DLG2: variants seen among roughly 807,000 people sequenced by gnomAD.
DLG2 encodes discs large MAGUK scaffold protein 2.
A neutral mutation model predicts 132.5 loss-of-function variants in DLG2; 45 were observed. That is an observed-to-expected ratio of 0.34 (90% CI 0.27 to 0.44). The LOEUF (loss-of-function observed/expected upper bound fraction) is 0.44. DLG2 is among the 20% of genes least tolerant of loss of function. The pLI, the probability that DLG2 is intolerant of heterozygous loss-of-function variation, is 1.00. For synonymous variants in DLG2, 424 were observed against 419.6 expected (o/e 1.01, Z -0.13); for missense variants, 1,045 against 1,196.9 (o/e 0.87, Z 1.87).
chr11:84,827,076 G>T (rs2078417901), intron 6 of DLG2, among the ~76,000 whole-genome samples: 1 of 151,658 alleles, frequency 6.6e-6, no homozygotes, highest in Admixed American at 6.6e-5. Context: ...GAAACCACCT[G>T]CTTCATCACT....
rs369837761 is a variant in DLG2 at position 84,292,992 on chromosome 11, G to A, written c.520-41701C>T. Among the ~76,000 whole-genome samples the A allele has an allele frequency of 1.1e-4, 16 of 152,306 alleles. 1 individual carries two copies. The highest frequency in any genetic ancestry group is 3.8e-4 in the African/African-American group (16 of 41,566). On this transcript the variant is annotated intron_variant, in intron 7 of 27. Transcript: ENST00000376104. ...TATGTATTGGGCAGACAGGCTGTAG[G>A]TTGGACAAGCTTGATTTAAGGTTTA... is the stretch of plus-strand genomic sequence containing the variant.
In DLG2 at chr11:84,830,183, T is replaced by G. The variant is rs368885511; in HGVS notation, c.357+281478A>C. 3.3e-5 allele frequency among the ~76,000 whole-genome samples: 5 copies of G among 151,712 alleles called. No homozygotes were observed. The South Asian group carries it at 8.3e-4, about 25-fold the overall frequency. On this transcript the variant is annotated intron_variant, in intron 6 of 27. Coordinates refer to ENST00000376104, the MANE Select transcript of DLG2 (RefSeq NM_001142699.3). ...TTCATTTTAGAATTAAGGGCACTGG[T>G]GCTCAGAGAGAGAAACAGATAGAGA...
chr11:84,867,002 A>G (rs2084672444), intron 6 of DLG2, among the ~76,000 whole-genome samples: 1 of 152,258 alleles, frequency 6.6e-6, no homozygotes, highest in Admixed American at 6.5e-5. Flanking sequence ...GTAGGTAAGC[A>G]GTAAAGATTT....
At chr11:83,847,123 T>C (rs1241269619) in intron 16 of DLG2, among the ~76,000 whole-genome samples, 3 of 152,164 alleles carry the variant, frequency 2.0e-5, no homozygotes, top group African/African-American at 7.2e-5. Flanking sequence ...TTGATAATTA[T>C]AACAGGAATA....
chr11:85,152,213 T>C (rs561589122), intron 5 of DLG2, among the ~76,000 whole-genome samples: 2 of 152,094 alleles, frequency 1.3e-5, no homozygotes, highest in South Asian at 4.2e-4. Flanking sequence ...TGTATTATAA[T>C]AGAAAGAACT....
chr11:85,084,631 A>G (rs1207306535), intron 6 of DLG2, among the ~76,000 whole-genome samples: 1 of 152,156 alleles, frequency 6.6e-6, no homozygotes, highest in East Asian at 1.9e-4. Context: ...GGCTAATCCA[A>G]GGACTCATAA....
At chr11:85,604,366 G>T (rs73499179) in intron 2 of DLG2, among the ~76,000 whole-genome samples, 2 of 152,000 alleles carry the variant, frequency 1.3e-5, no homozygotes, top group Admixed American at 1.3e-4. Flanking sequence ...CCTTATTTCT[G>T]GTTAATGAAA....
chr11:83,497,714 C>T (rs1234422835), intron 21 of DLG2, among the ~76,000 whole-genome samples: 1 of 151,884 alleles, frequency 6.6e-6, no homozygotes, highest in African/African-American at 2.4e-5. Flanking sequence ...AATGAGGTGG[C>T]TTAGCTATTT....
At chr11:84,520,590 C>A (rs2099294333) in intron 7 of DLG2, among the ~76,000 whole-genome samples, 1 of 152,148 alleles carries the variant, frequency 6.6e-6, no homozygotes, top group Non-Finnish European at 1.5e-5. Context: ...TGCGCCCCCA[C>A]CCACCACCCA....
At chr11:85,436,378 C>T (rs2091480440) in intron 3 of DLG2, among the ~76,000 whole-genome samples, 1 of 152,084 alleles carries the variant, frequency 6.6e-6, no homozygotes, top group African/African-American at 2.4e-5. Context: ...AACCATCCTA[C>T]AGAATGGGAG....
At position 84,714,549 on chromosome 11, in the gene DLG2, T is replaced by TTCTCTTTCTCTCTC. The variant is rs1565748003; in HGVS notation, c.358-179819_358-179818insGAGAGAGAAAGAGA. 2.0e-3 allele frequency among the ~76,000 whole-genome samples: 116 copies of TTCTCTTTCTCTCTC among 59,152 alleles called. 1 individual carries two copies. Among genetic ancestry groups the TTCTCTTTCTCTCTC allele is most frequent in the Non-Finnish European group, 2.9e-3 (100 of 35,036 alleles). 38.8% of individuals were successfully genotyped at this position (59,152 alleles called of 152,430 possible). A position where few individuals can be genotyped will look rare whatever the true frequency, so the allele number is the denominator to read the frequency against. On this transcript the variant is annotated intron_variant, in intron 6 of 27. Transcript: ENST00000376104. ...TTCCTCTTTCTCTTTCTCTTTCTCT[T>TTCTCTTTCTCTCTC]TCTCTCTCTTTCTCTTTCTCTTTCT...
chr11:84,855,621 C>G (rs2082683828), intron 6 of DLG2, among the ~76,000 whole-genome samples: 1 of 151,986 alleles, frequency 6.6e-6, no homozygotes, highest in South Asian at 2.1e-4. Context: ...TCCTTGCTAG[C>G]TAAGAAAGGC....
intron 8 of DLG2, among the ~76,000 whole-genome samples, chr11:84,214,427 A>G (rs1299423551): frequency 1.3e-5 from 2 of 151,352 alleles, no homozygotes; most frequent in Non-Finnish European, 1.5e-5. Flanking sequence ...TGTATATTCT[A>G]TACATGTTTA....
chr11:84,079,645 T>G (rs1053879509), intron 10 of DLG2, among the ~76,000 whole-genome samples: 1 of 152,228 alleles, frequency 6.6e-6, no homozygotes, highest in Admixed American at 6.5e-5. Context: ...CAGACTTCCA[T>G]GGCAGAGTGA....
Position 83,930,452 on chromosome 11 carries a change from T to C in DLG2, c.1372A>G (p.Lys458Glu). ...GGAGAAGCAGGCTTATCACATAGTT[T>C]GTTCACAGTGCTGTAAACAGGTTCC... is the stretch of plus-strand genomic sequence containing the variant. ...PPEPVYSTVN[K>E]LCDKPASPRH... is the part of the protein sequence containing the mutation. The change falls in exon 15 of 28, where the codon AAA (lysine) becomes GAA (glutamate). Residue 458 changes from lysine (K) to glutamate (E), a missense_variant. By Grantham distance (56) the Lys-to-Glu change is moderately conservative. Around this residue, in one of 4 missense-constraint regions of DLG2, gnomAD observed 261 missense variants for 256.1 expected, o/e 1.02. Coordinates refer to ENST00000376104, the MANE Select transcript of DLG2 (RefSeq NM_001142699.3). 1.9e-6 allele frequency: 3 copies of C among 1,614,090 alleles called. No homozygotes were observed. The highest frequency in any genetic ancestry group is 1.7e-6 in the Non-Finnish European group (2 of 1,179,944).
intron 17 of DLG2, among the ~76,000 whole-genome samples, chr11:83,797,564 G>T (rs996211570): frequency 6.6e-6 from 1 of 151,484 alleles, no homozygotes; most frequent in African/African-American, 2.4e-5. Flanking sequence ...TTTTCTCCCA[G>T]ACTGGAGTGC....
chr11:84,198,436 T>G (rs2154296993), intron 8 of DLG2, among the ~76,000 whole-genome samples: 1 of 152,252 alleles, frequency 6.6e-6, no homozygotes, highest in Admixed American at 6.5e-5. Flanking sequence ...TTTCTTAATT[T>G]TATTTTAAAA....
intron 6 of DLG2, among the ~76,000 whole-genome samples, chr11:84,926,994 C>A (rs1212980636): frequency 6.6e-6 from 1 of 151,834 alleles, no homozygotes; most frequent in Non-Finnish European, 1.5e-5. Context: ...TACCTTGATT[C>A]CCAAAAGGAA....
At chr11:83,943,514 G>C (rs749349591) in intron 14 of DLG2, among the ~76,000 whole-genome samples, 1 of 152,090 alleles carries the variant, frequency 6.6e-6, no homozygotes. Flanking sequence ...TAAATAACTG[G>C]TTATGACTAA....
Sources: gnomAD v4.1 joint callset for allele counts (sites outside exome capture counted in the v4.1 genomes callset) on GRCh38, gnomAD v4.1.1 for gene constraint, gnomAD v4.1.1 regional missense constraint, MANE v1.5 for transcripts, NCBI Gene and HGNC (gene_info 2026-07-23, HGNC 2026-07-21) for gene names.